CHLSN: variants seen among roughly 807,000 people sequenced by gnomAD.
CHLSN encodes protein cholesin.
chr7:1,024,450 G>A, the CHLSN span: 3 of 152,208 alleles, frequency 2.0e-5, no homozygotes, highest in Non-Finnish European at 2.9e-5. Context: ...AGGAGCCCCA[G>A]GGGACAAGAG....
the CHLSN span, among the ~76,000 whole-genome samples, chr7:1,090,583 G>A: frequency 6.7e-3 from 970 of 144,626 alleles, 12 homozygotes; most frequent in African/African-American, 0.024. Context: ...GGCGGGTGAC[G>A]GGACCTCTCC....
At chr7:1,093,520 G>A in the CHLSN span, 1 of 470,928 alleles carries the variant, frequency 2.1e-6, no homozygotes. Context: ...CAGCAGGAAG[G>A]CCCCTCTGTG....
At chr7:1,130,011 C>A in the CHLSN span, among the ~76,000 whole-genome samples, 2 of 152,204 alleles carry the variant, frequency 1.3e-5, no homozygotes, top group Non-Finnish European at 2.9e-5. Context: ...GGGCTGCGGG[C>A]ACCGGTCCTG....
At chr7:996,158 G>C in the CHLSN span, among the ~76,000 whole-genome samples, 1 of 152,230 alleles carries the variant, frequency 6.6e-6, no homozygotes, top group Admixed American at 6.5e-5. Flanking sequence ...CGAGGGCCAC[G>C]GCTGAGGAGG....
chr7:1,095,459 C>A, the CHLSN span, among the ~76,000 whole-genome samples: 1 of 152,304 alleles, frequency 6.6e-6, no homozygotes, highest in African/African-American at 2.4e-5. Flanking sequence ...AGAAAGCAGG[C>A]GGGGTGGGTG....
the CHLSN span, among the ~76,000 whole-genome samples, chr7:1,008,843 G>GAA: frequency 3.6e-5 from 3 of 84,334 alleles, no homozygotes; most frequent in East Asian, 8.1e-4. Context: ...GTATACACAC[G>GAA]CACACACGTA....
chr7:1,102,765 G>A, the CHLSN span, among the ~76,000 whole-genome samples: 2 of 152,232 alleles, frequency 1.3e-5, no homozygotes, highest in Non-Finnish European at 2.9e-5. Flanking sequence ...CTTGGGAAGT[G>A]AGCACGTGTG....
chr7:1,070,317 C>T, the CHLSN span, among the ~76,000 whole-genome samples: 2 of 142,712 alleles, frequency 1.4e-5, no homozygotes, highest in Non-Finnish European at 3.2e-5. Context: ...GGGGGGTCAG[C>T]CCCCCGCCTG....
chr7:994,025 G>A, the CHLSN span, among the ~76,000 whole-genome samples: 2 of 152,148 alleles, frequency 1.3e-5, no homozygotes, highest in Non-Finnish European at 1.5e-5. Flanking sequence ...CTGCGTGTTC[G>A]CACCCCCAAT....
At chr7:1,030,216 C>T in the CHLSN span, among the ~76,000 whole-genome samples, 13 of 152,272 alleles carry the variant, frequency 8.5e-5, no homozygotes, top group South Asian at 2.1e-4. Context: ...CCGAACGCAA[C>T]GACCCACGCA....
chr7:997,550 C>T, the CHLSN span: 153 of 1,300,792 alleles, frequency 1.2e-4, no homozygotes, highest in Admixed American at 7.8e-4. Flanking sequence ...CGGCCCCCAC[C>T]GCCGGAGGAG....
the CHLSN span, among the ~76,000 whole-genome samples, chr7:1,107,746 C>T: frequency 2.6e-5 from 4 of 152,338 alleles, no homozygotes; most frequent in East Asian, 5.8e-4. Context: ...TGGAGCCCCA[C>T]GCCCCGGGAG....
chr7:992,249 C>G, the CHLSN span, among the ~76,000 whole-genome samples: 1 of 152,192 alleles, frequency 6.6e-6, no homozygotes, highest in East Asian at 1.9e-4. Flanking sequence ...TGCTCTTGGC[C>G]CCAGATCTGC....
the CHLSN span, chr7:1,058,151 C>A: frequency 5.4e-6 from 4 of 740,012 alleles, no homozygotes; most frequent in Admixed American, 1.8e-5. Flanking sequence ...TACTCTCCCG[C>A]GTCCGCAGGG....
At chr7:1,131,223 G>C in the CHLSN span, among the ~76,000 whole-genome samples, 1 of 149,552 alleles carries the variant, frequency 6.7e-6, no homozygotes, top group Admixed American at 6.7e-5. Flanking sequence ...AAAGAGTAAA[G>C]CAGGATAGGT....
chr7:1,070,852 G>T, the CHLSN span, among the ~76,000 whole-genome samples: 3 of 130,006 alleles, frequency 2.3e-5, no homozygotes, highest in Non-Finnish European at 5.0e-5. Context: ...GCGTGCACAC[G>T]GACATGCACA....
At chr7:1,082,947 G>A in the CHLSN span, among the ~76,000 whole-genome samples, 2 of 152,344 alleles carry the variant, frequency 1.3e-5, no homozygotes, top group East Asian at 3.9e-4. Flanking sequence ...GGGGTGGGAG[G>A]AGCCTCCCCG....
the CHLSN span, among the ~76,000 whole-genome samples, chr7:1,069,293 T>C: frequency 6.6e-6 from 1 of 151,956 alleles, no homozygotes; most frequent in Non-Finnish European, 1.5e-5. Flanking sequence ...ATTGCGCCAC[T>C]GCACTCCAGC....
the CHLSN span, chr7:1,025,976 G>A: frequency 6.6e-6 from 1 of 152,280 alleles, no homozygotes; most frequent in Non-Finnish European, 1.5e-5. Flanking sequence ...AGCTGCAGTG[G>A]AGGGAAGAGT....
Sources: gnomAD v4.1 joint callset for allele counts (sites outside exome capture counted in the v4.1 genomes callset) on GRCh38, gnomAD v4.1.1 for gene constraint, MANE v1.5 for transcripts, NCBI Gene and HGNC (gene_info 2026-07-23, HGNC 2026-07-21) for gene names.